LRPPRC: variants seen among roughly 807,000 people sequenced by gnomAD.
LRPPRC encodes leucine-rich PPR motif-containing protein, mitochondrial.
Under a neutral mutation model 180.3 loss-of-function variants are expected in LRPPRC, and 120 were observed. The observed-to-expected ratio is 0.67, with a 90% CI of 0.57 to 0.77. The LOEUF is 0.77. Ranked by LOEUF, LRPPRC falls within the 30% of genes least tolerant of loss-of-function variation. LRPPRC has a pLI of 0.00. For synonymous variants in LRPPRC, 723 were observed against 600.0 expected (o/e 1.21, Z -3.00); for missense variants, 2,012 against 1,657.2 (o/e 1.21, Z -3.72).
At chr2:43,889,141 C>G (rs1227739363) in intron 37 of LRPPRC, among the ~76,000 whole-genome samples, 1 of 151,698 alleles carries the variant, frequency 6.6e-6, no homozygotes, top group East Asian at 1.9e-4. Context: ...ATGGTGAAAC[C>G]CCATCTGTAC....
chr2:43,912,572 C>G lies in LRPPRC; in HGVS notation c.3149-14G>C. On this transcript the variant is annotated splice_polypyrimidine_tract_variant and intron_variant, in intron 29 of 37. Transcript: ENST00000260665. ...TATCATATGCCCCTATGAGAGAAAA[C>G]AGACAAAAAAAATGAGATGACATTA... 4 of 1,604,060 alleles carry G rather than the reference C, an allele frequency of 2.5e-6. No individual in the cohort carries two copies. Among genetic ancestry groups the G allele is most frequent in the East Asian group, 2.2e-5 (1 of 44,606 alleles).
At chr2:43,977,326 T>G in intron 3 of LRPPRC, 50 bp from the exon 4 acceptor site, 1 of 1,418,692 alleles carries the variant, frequency 7.0e-7, no homozygotes, top group Non-Finnish European at 9.9e-7. Flanking sequence ...GAAAATCCTA[T>G]GCTTTAAAGT....
intron 27 of LRPPRC, among the ~76,000 whole-genome samples, chr2:43,922,688 G>A (rs1477281852): frequency 6.6e-6 from 1 of 152,148 alleles, no homozygotes; most frequent in African/African-American, 2.4e-5. Flanking sequence ...GAACCCGGGA[G>A]GCGGAGCTTG....
intron 2 of LRPPRC, among the ~76,000 whole-genome samples, chr2:43,981,366 G>C (rs1364001826): frequency 6.6e-6 from 1 of 152,062 alleles, no homozygotes; most frequent in African/African-American, 2.4e-5. Flanking sequence ...TTCTGATATG[G>C]AATAAACATC....
At chr2:43,915,365 T>C (rs1671428824) in intron 29 of LRPPRC, among the ~76,000 whole-genome samples, 1 of 151,804 alleles carries the variant, frequency 6.6e-6, no homozygotes, top group Middle Eastern at 3.2e-3. Flanking sequence ...CAAAGATATA[T>C]AGACTGAATA....
Position 43,887,529 on chromosome 2 carries a change from G to T in LRPPRC, c.*1071C>A, listed in dbSNP as rs1230003145. ...AGTTGGCACTGAAACTGGAACAGTA[G>T]GGAGTCACCAAATTCAAATGAACAA... On this transcript the variant is annotated 3_prime_UTR_variant, in exon 38 of 38. Coordinates refer to ENST00000260665, the MANE Select transcript of LRPPRC (RefSeq NM_133259.4). The T allele has an allele frequency of 1.3e-5, 2 of 152,224 alleles. No individual in the cohort carries two copies. The highest frequency in any genetic ancestry group is 1.3e-4 in the Admixed American group (2 of 15,282). The allele number at this position is 152,224 out of a possible 1,614,324, so 9.4% of individuals were successfully genotyped here. A position where few individuals can be genotyped will look rare whatever the true frequency, so the allele number is the denominator to read the frequency against.
chr2:43,944,338 C>T (rs922164183), intron 22 of LRPPRC, among the ~76,000 whole-genome samples: 17 of 151,910 alleles, frequency 1.1e-4, no homozygotes, highest in Middle Eastern at 3.2e-3. Flanking sequence ...TTTGCTATGT[C>T]GATACTAATT....
intron 18 of LRPPRC, 99 bp downstream of exon 18, chr2:43,948,023 T>G (rs1409159373): frequency 1.1e-6 from 1 of 873,788 alleles, no homozygotes; most frequent in Non-Finnish European, 1.9e-6. Flanking sequence ...TGAAACAAAT[T>G]TTTTTTCTGA....
chr2:43,931,526 TC>T (rs1672087551), intron 25 of LRPPRC, among the ~76,000 whole-genome samples: 1 of 152,186 alleles, frequency 6.6e-6, no homozygotes, highest in Non-Finnish European at 1.5e-5. Flanking sequence ...CACAGGCAGT[TC>T]CTTCTGCCTG....
At chr2:43,962,352 A>T (rs1673382439) in intron 12 of LRPPRC, among the ~76,000 whole-genome samples, 1 of 152,240 alleles carries the variant, frequency 6.6e-6, no homozygotes, top group African/African-American at 2.4e-5. Context: ...GACACTGAAG[A>T]TATAAACCCT....
At chr2:43,962,405 G>C (rs1434556075) in intron 12 of LRPPRC, among the ~76,000 whole-genome samples, 2 of 152,122 alleles carry the variant, frequency 1.3e-5, no homozygotes, top group East Asian at 3.8e-4. Context: ...TTTAATGAAA[G>C]AAACACTCTA....
chr2:43,892,071 G>C (rs977229565), intron 36 of LRPPRC, among the ~76,000 whole-genome samples: 3 of 152,292 alleles, frequency 2.0e-5, no homozygotes, highest in African/African-American at 4.8e-5. Context: ...TGGTTCATGA[G>C]GTTTAAGGAA....
intron 32 of LRPPRC, 139 bp from the exon 33 acceptor site, chr2:43,899,744 TAAACAC>T: frequency 3.1e-6 from 2 of 640,148 alleles, no homozygotes; most frequent in South Asian, 3.8e-5. Context: ...CTTAACCAAA[TAAACAC>T]TAGGCAACTG....
intron 31 of LRPPRC, chr2:43,902,326 T>A (rs1226913032): frequency 6.6e-6 from 1 of 152,182 alleles, no homozygotes; most frequent in Non-Finnish European, 1.5e-5. Context: ...AGCAAAATCA[T>A]GATATGAAAT....
intron 27 of LRPPRC, among the ~76,000 whole-genome samples, chr2:43,924,863 T>C (rs552470097): frequency 6.6e-6 from 1 of 152,336 alleles, no homozygotes; most frequent in East Asian, 1.9e-4. Context: ...GCAGTAAGAA[T>C]GTCAGAAATT....
In LRPPRC at chr2:43,963,767, G is replaced by C. The variant is rs944233773; in HGVS notation, c.1370-61C>G. 3.3e-6 allele frequency: 3 copies of C among 901,016 alleles called. No individual in the cohort carries two copies. The African/African-American group carries it at 4.9e-5, about 15-fold the overall frequency. 55.8% of individuals were successfully genotyped at this position (901,016 alleles called of 1,614,324 possible). ...ACTTAGAATAAAGTAAGAAAAGATCGGTAAGTTCAGTTCAATTATTTTCTG... is the reference window on the plus strand; with the variant it reads ...ACTTAGAATAAAGTAAGAAAAGATCCGTAAGTTCAGTTCAATTATTTTCTG... On this transcript the variant is annotated intron_variant, in intron 11 of 37. Transcript: ENST00000260665.
At chr2:43,926,127 A>C (rs1671869608) in intron 25 of LRPPRC, among the ~76,000 whole-genome samples, 166 bp from the exon 26 acceptor site, 1 of 152,174 alleles carries the variant, frequency 6.6e-6, no homozygotes, top group Non-Finnish European at 1.5e-5. Context: ...CTAAATTTAT[A>C]CTATAACTAA....
At chr2:43,952,647 C>T (rs1024805426) in intron 14 of LRPPRC, among the ~76,000 whole-genome samples, 3 of 152,184 alleles carry the variant, frequency 2.0e-5, no homozygotes, top group Non-Finnish European at 4.4e-5. Context: ...GTGACCCAGA[C>T]TTTGTACTAG....
chr2:43,889,294 A>T (rs1283841002), intron 37 of LRPPRC, among the ~76,000 whole-genome samples: 1 of 135,286 alleles, frequency 7.4e-6, no homozygotes, highest in Non-Finnish European at 1.6e-5. Flanking sequence ...CAGCCTGGGC[A>T]ACACAGCGAG....
Sources: allele counts gnomAD v4.1 joint callset (sites outside exome capture counted in the v4.1 genomes callset), GRCh38; gene constraint gnomAD v4.1.1; transcripts MANE v1.5; gene names NCBI Gene and HGNC (gene_info 2026-07-23, HGNC 2026-07-21).